Variants in WWOX observed in about 807,000 individuals in gnomAD.
WWOX encodes the protein WW domain containing oxidoreductase, also known as WW domain-containing oxidoreductase.
WWOX carries 69 observed loss-of-function variants against 46.2 expected under a neutral mutation model. The ratio of observed to expected loss-of-function variants is 1.49; its 90% CI spans 1.23 to 1.82. The LOEUF (loss-of-function observed/expected upper bound fraction) is 1.82. WWOX is among the 40% of genes most tolerant of loss of function. WWOX has a pLI of 0.00. For synonymous variants in WWOX, 359 were observed against 202.6 expected (o/e 1.77, Z -6.56); for missense variants, 919 against 542.6 (o/e 1.69, Z -6.89).
intron 8 of WWOX, among the ~76,000 whole-genome samples, chr16:78,624,949 A>T (rs185889384): frequency 1.8e-4 from 28 of 152,272 alleles, no homozygotes; most frequent in African/African-American, 6.7e-4. Context: ...AAAGGGTAAG[A>T]ACATCATGGC....
chr16:78,221,642 G>C (rs2036891787), intron 5 of WWOX, among the ~76,000 whole-genome samples: 1 of 152,142 alleles, frequency 6.6e-6, no homozygotes, highest in Non-Finnish European at 1.5e-5. Context: ...TCATATTTTG[G>C]TATCTGGAAC....
At chr16:78,318,272 A>ATTTTTTTTTTTTTTTTTTTTTTTTTTTTT (rs34730954) in intron 5 of WWOX, among the ~76,000 whole-genome samples, 1 of 123,568 alleles carries the variant, frequency 8.1e-6, no homozygotes, top group African/African-American at 3.2e-5. Flanking sequence ...TCTGGGAGGA[A>ATTTTTTTTTTTTTTTTTTTTTTTTTTTTT]TTTTTTTTTT....
At chr16:78,957,848 G>C (rs1379679468) in intron 8 of WWOX, among the ~76,000 whole-genome samples, 1 of 152,186 alleles carries the variant, frequency 6.6e-6, no homozygotes, top group Non-Finnish European at 1.5e-5. Flanking sequence ...TTGTGCCTTT[G>C]TGAATTTGCA....
At chr16:78,666,135 A>G (rs935707179) in intron 8 of WWOX, among the ~76,000 whole-genome samples, 6 of 152,008 alleles carry the variant, frequency 3.9e-5, no homozygotes, top group African/African-American at 7.2e-5. Context: ...AAATTTAAAA[A>G]AATTAGCCGA....
chr16:78,326,064 G>C (rs1380308761), intron 5 of WWOX, among the ~76,000 whole-genome samples: 1 of 152,152 alleles, frequency 6.6e-6, no homozygotes, highest in African/African-American at 2.4e-5. Flanking sequence ...GGGGGAGGTA[G>C]GAGTGAATCT....
chr16:78,563,634 G>A (rs989756789), intron 8 of WWOX, among the ~76,000 whole-genome samples: 1 of 149,764 alleles, frequency 6.7e-6, no homozygotes, highest in African/African-American at 2.5e-5. Context: ...CCTTTGTGTT[G>A]AATAAACTAT....
chr16:78,530,336 G>A (rs1051887793), intron 8 of WWOX, among the ~76,000 whole-genome samples: 1 of 152,126 alleles, frequency 6.6e-6, no homozygotes, highest in Admixed American at 6.5e-5. Flanking sequence ...GGAGGAACGA[G>A]GTCTCATGAG....
intron 8 of WWOX, among the ~76,000 whole-genome samples, chr16:79,024,809 C>T (rs1264399390): frequency 6.6e-6 from 1 of 151,924 alleles, no homozygotes; most frequent in Non-Finnish European, 1.5e-5. Context: ...TGGCCTCAAG[C>T]AATCCTCTCC....
chr16:78,219,978 A>G lies in WWOX; in HGVS notation c.516+55689A>G, dbSNP rs182726354. Among the ~76,000 whole-genome samples, 85 of 152,354 alleles carry G rather than the reference A, an allele frequency of 5.6e-4. 1 individual carries two copies. Among genetic ancestry groups the G allele is most frequent in the African/African-American group, 2.0e-3 (84 of 41,592 alleles). ...CACAATAAAGCTATAATACTCTTTT[A>G]AAGTGTCTCCTGAATCATTACCAGT... is the stretch of plus-strand genomic sequence containing the variant. On this transcript the variant is annotated intron_variant, in intron 5 of 8. Transcript: ENST00000566780.
intron 8 of WWOX, among the ~76,000 whole-genome samples, chr16:79,008,868 G>C (rs2047243887): frequency 7.0e-6 from 1 of 143,002 alleles, no homozygotes; most frequent in Admixed American, 7.2e-5. Context: ...CCTTTAATTG[G>C]AGCCACGTGT....
At chr16:78,922,155 C>T (rs574602742) in intron 8 of WWOX, among the ~76,000 whole-genome samples, 5 of 152,180 alleles carry the variant, frequency 3.3e-5, no homozygotes, top group African/African-American at 9.6e-5. Context: ...TGATTGCCCA[C>T]ATATTTGATC....
intron 8 of WWOX, among the ~76,000 whole-genome samples, chr16:78,893,671 T>G (rs1399499101): frequency 6.6e-6 from 1 of 152,204 alleles, no homozygotes. Flanking sequence ...TTGTCTGAGG[T>G]TCCCTGGTAT....
At chr16:78,281,222 T>TC (rs1416220537) in intron 5 of WWOX, among the ~76,000 whole-genome samples, 1 of 152,220 alleles carries the variant, frequency 6.6e-6, no homozygotes, top group African/African-American at 2.4e-5. Flanking sequence ...GAGATCTCAC[T>TC]CACTATGGTG....
chr16:78,602,223 TTCTGGATAGA>T (rs1252218210), intron 8 of WWOX, among the ~76,000 whole-genome samples: 1 of 152,208 alleles, frequency 6.6e-6, no homozygotes. Flanking sequence ...TCCTGTTCTC[TTCTGGATAGA>T]TCTGGATAGA....
At chr16:78,980,265 A>G (rs995097547) in intron 8 of WWOX, among the ~76,000 whole-genome samples, 1 of 152,184 alleles carries the variant, frequency 6.6e-6, no homozygotes, top group Non-Finnish European at 1.5e-5. Flanking sequence ...TGTGAGCTCC[A>G]TTTGACAGAT....
At chr16:78,853,606 G>T (rs755700372) in intron 8 of WWOX, among the ~76,000 whole-genome samples, 3 of 152,064 alleles carry the variant, frequency 2.0e-5, no homozygotes, top group Non-Finnish European at 4.4e-5. Flanking sequence ...TCTCATCAAG[G>T]ATTTTATCTG....
At chr16:78,848,207 G>C (rs564101771) in intron 8 of WWOX, among the ~76,000 whole-genome samples, 1 of 152,298 alleles carries the variant, frequency 6.6e-6, no homozygotes, top group African/African-American at 2.4e-5. Flanking sequence ...CAATGAATTA[G>C]AGTTGACATA....
intron 8 of WWOX, among the ~76,000 whole-genome samples, chr16:78,553,620 C>T (rs1030694976): frequency 6.6e-6 from 1 of 152,068 alleles, no homozygotes; most frequent in Non-Finnish European, 1.5e-5. Context: ...AATAAGTGAG[C>T]AGTATGGCGC....
chr16:78,420,028 ATGT>A (rs2151955803), intron 6 of WWOX, among the ~76,000 whole-genome samples: 1 of 152,308 alleles, frequency 6.6e-6, no homozygotes, highest in Admixed American at 6.5e-5. Flanking sequence ...TACATAAAAG[ATGT>A]TCAATCTCAT....
Sources: gnomAD v4.1 joint callset for allele counts (sites outside exome capture counted in the v4.1 genomes callset) on GRCh38, gnomAD v4.1.1 for gene constraint, MANE v1.5 for transcripts, NCBI Gene and HGNC (gene_info 2026-07-23, HGNC 2026-07-21) for gene names.